Variants in PPIG observed in about 807,000 individuals in gnomAD.
The protein encoded by PPIG is peptidylprolyl isomerase G.
In PPIG, 26 loss-of-function variants were observed where a neutral mutation model predicts 87.9. The ratio of observed to expected loss-of-function variants is 0.30; its 90% CI spans 0.22 to 0.41. PPIG has a LOEUF of 0.41. Among genes scored for constraint, PPIG ranks in the 10% least tolerant of loss-of-function variants. The pLI is 1.00. For synonymous variants in PPIG, 308 were observed against 276.5 expected (o/e 1.11, Z -1.13); for missense variants, 722 against 879.4 (o/e 0.82, Z 2.26).
chr2:169,589,119 A>T lies in PPIG; in HGVS notation c.-70+4629A>T, dbSNP rs1422161115. Among the ~76,000 whole-genome samples the T allele has an allele frequency of 2.6e-5, 4 of 152,142 alleles. No homozygotes were observed. In the East Asian group the frequency reaches 7.7e-4, roughly 29 times the overall value. The stretch of plus-strand genomic sequence containing the variant: ...AGATCGTATATATAGTAAGTGCGTA[A>T]TATCCTTATTTAACACTGAATTAGG... On this transcript the variant is annotated intron_variant, in intron 1 of 13. Coordinates refer to ENST00000260970, the MANE Select transcript of PPIG (RefSeq NM_004792.3).
chr2:169,636,976 G>A lies in PPIG; in HGVS notation c.1718G>A (p.Arg573Lys), dbSNP rs765588904. The stretch of plus-strand genomic sequence containing the variant: ...CGAAGCAGAAGTAGGGACAGAAGCA[G>A]AAGAGTGCGATCAAGAACCCATGAC... The part of the protein sequence containing the change: ...RERSRSRDRS[R>K]RVRSRTHDRD... Residue 573 changes from arginine (R) to lysine (K), a missense_variant, in exon 14 of 14, where the codon AGA becomes AAA. Physicochemically the swap from Arg to Lys is conservative, Grantham distance 26. Transcript: ENST00000260970. The A allele has an allele frequency of 8.1e-6, 13 of 1,613,980 alleles. No individual in the cohort carries two copies. The South Asian group carries it at 1.4e-4, about 18-fold the overall frequency.
rs1686032759 is a variant in PPIG, at chr2:169,630,949, C to G, written c.723C>G (p.His241Gln). 6.3e-7 allele frequency: 1 copy of G among 1,597,192 alleles called. No individual in the cohort carries two copies. Among genetic ancestry groups the G allele is most frequent in the Non-Finnish European group, 8.5e-7 (1 of 1,176,156 alleles). ...AACATCGGAAAAATTCCCGAAAACA[C>G]AAGAAAGAAAAGAAAAAGCGAAAGA... is the stretch of plus-strand genomic sequence containing the variant. The part of the protein sequence containing the change: ...KKKHRKNSRK[H>Q]KKEKKKRKKS... Residue 241 changes from histidine (H) to glutamine (Q), a missense_variant, in exon 10 of 14, where the codon CAC becomes CAG. Transcript: ENST00000260970.
At chr2:169,599,922 T>C (rs1055420361) in intron 1 of PPIG, among the ~76,000 whole-genome samples, 1 of 152,144 alleles carries the variant, frequency 6.6e-6, no homozygotes, top group East Asian at 1.9e-4. Flanking sequence ...ATAGAAATAA[T>C]TTTTTTCATA....
At chr2:169,629,379 T>C (rs542272496) in intron 9 of PPIG, among the ~76,000 whole-genome samples, 105 of 152,226 alleles carry the variant, frequency 6.9e-4, no homozygotes, top group Non-Finnish European at 1.2e-3. Context: ...ATACTAAAAA[T>C]CCTGACAGTG....
In PPIG at chr2:169,631,885, C is replaced by T. The variant is rs1686063219; in HGVS notation, c.881C>T (p.Ala294Val). Residue 294 changes from alanine (A) to valine (V), a missense_variant, in exon 11 of 14, where the codon GCT becomes GTT. Around this residue, in one of 4 missense-constraint regions of PPIG, gnomAD observed 142 missense variants for 152.8 expected, o/e 0.93. Transcript: ENST00000260970. ...CTAATGAGAAAAAGTCCTCCTAAAGCTGATGAGAAGGAAAGGAAAAACAGA... is the reference window on the plus strand; with the variant it reads ...CTAATGAGAAAAAGTCCTCCTAAAGTTGATGAGAAGGAAAGGAAAAACAGA... Reference protein sequence around the residue: ...RFLMRKSPPKADEKERKNRER... With the variant: ...RFLMRKSPPKVDEKERKNRER... 8.1e-6 allele frequency: 13 copies of T among 1,609,340 alleles called. No individual in the cohort carries two copies. The highest frequency in any genetic ancestry group is 1.1e-5 in the Non-Finnish European group (13 of 1,176,336).
At chr2:169,592,606 G>A (rs1684900147) in intron 1 of PPIG, among the ~76,000 whole-genome samples, 1 of 151,968 alleles carries the variant, frequency 6.6e-6, no homozygotes, top group Non-Finnish European at 1.5e-5. Flanking sequence ...GCCTGGCTCA[G>A]ATTTCTTTTT....
chr2:169,607,723 G>A (rs1685372689), intron 6 of PPIG, among the ~76,000 whole-genome samples: 1 of 152,174 alleles, frequency 6.6e-6, no homozygotes, highest in Non-Finnish European at 1.5e-5. Context: ...TCTAACCCAA[G>A]ATTGGAAAAC....
intron 7 of PPIG, among the ~76,000 whole-genome samples, chr2:169,611,362 A>G (rs960998024): frequency 6.6e-6 from 1 of 152,208 alleles, no homozygotes; most frequent in Non-Finnish European, 1.5e-5. Context: ...TTTTGGCTAT[A>G]ATATAAATCT....
chr2:169,584,750 C>T, intron 1 of PPIG: 1 of 313,148 alleles, frequency 3.2e-6, no homozygotes, highest in Non-Finnish European at 6.1e-6. Context: ...CTCTGCCAGC[C>T]CCCGCCCTCC....
intron 9 of PPIG, among the ~76,000 whole-genome samples, chr2:169,623,314 G>A (rs1396506185): frequency 6.6e-6 from 1 of 152,216 alleles, no homozygotes; most frequent in East Asian, 1.9e-4. Flanking sequence ...TCAATTCAGA[G>A]TTCACTGCAG....
At chr2:169,602,975 A>G (rs943166270) in intron 1 of PPIG, among the ~76,000 whole-genome samples, 1 of 152,190 alleles carries the variant, frequency 6.6e-6, no homozygotes, top group African/African-American at 2.4e-5. Flanking sequence ...GGTTTGGATA[A>G]TGAGGTATGA....
At chr2:169,616,998 T>G (rs933851083) in intron 9 of PPIG, among the ~76,000 whole-genome samples, 5 of 152,224 alleles carry the variant, frequency 3.3e-5, no homozygotes, top group African/African-American at 1.2e-4. Flanking sequence ...GTTTAAGTCT[T>G]TAATCTATCT....
chr2:169,623,429 G>A (rs10930361), intron 9 of PPIG, among the ~76,000 whole-genome samples: 19,350 of 152,132 alleles, frequency 0.13, 1,348 homozygotes, highest in South Asian at 0.25. Flanking sequence ...CAAGCTTAGC[G>A]TACCAATAAT....
chr2:169,611,338 G>A (rs1043611920), intron 7 of PPIG, among the ~76,000 whole-genome samples: 1 of 152,122 alleles, frequency 6.6e-6, no homozygotes, highest in Admixed American at 6.5e-5. Flanking sequence ...GTAGAGTGTC[G>A]TTCTATAGTC....
chr2:169,619,327 T>C (rs1313487927), intron 9 of PPIG, among the ~76,000 whole-genome samples: 1 of 152,192 alleles, frequency 6.6e-6, no homozygotes, highest in Non-Finnish European at 1.5e-5. Context: ...ACTGTGGTGC[T>C]GAGAAGAATG....
At chr2:169,602,398 C>G (rs1329501377) in intron 1 of PPIG, among the ~76,000 whole-genome samples, 1 of 152,154 alleles carries the variant, frequency 6.6e-6, no homozygotes, top group Non-Finnish European at 1.5e-5. Context: ...TCACTGCAAC[C>G]TCTACCTCCC....
At chr2:169,610,422 A>G (rs993897147) in intron 7 of PPIG, among the ~76,000 whole-genome samples, 11 of 152,048 alleles carry the variant, frequency 7.2e-5, no homozygotes, top group Admixed American at 1.3e-4. Flanking sequence ...AAAATGTGTT[A>G]GGTTTATTCC....
At chr2:169,631,559 A>G in intron 10 of PPIG, 4 of 1,323,854 alleles carry the variant, frequency 3.0e-6, no homozygotes, top group Non-Finnish European at 3.8e-6. Context: ...AGAGTGTGAT[A>G]ATCGAAACGT....
intron 1 of PPIG, among the ~76,000 whole-genome samples, chr2:169,591,047 G>A (rs1684850438): frequency 6.6e-6 from 1 of 152,144 alleles, no homozygotes; most frequent in Non-Finnish European, 1.5e-5. Flanking sequence ...TTCTAGATTA[G>A]AAACTCGGTG....
Sources: allele counts gnomAD v4.1 joint callset (sites outside exome capture counted in the v4.1 genomes callset), GRCh38; gene constraint gnomAD v4.1.1; regional missense constraint gnomAD v4.1.1; transcripts MANE v1.5; gene names NCBI Gene and HGNC (gene_info 2026-07-23, HGNC 2026-07-21).